The following MTF2 variants were observed in gnomAD, a reference collection of about 807,000 sequenced individuals.
The protein encoded by MTF2 is metal response element binding transcription factor 2.
MTF2 carries 11 observed loss-of-function variants against 79.5 expected under a neutral mutation model. The ratio of observed to expected loss-of-function variants is 0.14; its 90% CI spans 0.09 to 0.23. The LOEUF (loss-of-function observed/expected upper bound fraction) is 0.23, where lower values mean the gene tolerates loss of function less well. MTF2 is among the 10% of genes least tolerant of loss of function. MTF2 has a pLI of 1.00. For missense variants in MTF2, 486 were observed against 711.2 expected (o/e 0.68, Z 3.60); for synonymous variants, 208 against 232.8 (o/e 0.89, Z 0.97).
chr1:93,102,135 A>G (rs1655572236), intron 1 of MTF2, among the ~76,000 whole-genome samples: 1 of 152,244 alleles, frequency 6.6e-6, no homozygotes, highest in Admixed American at 6.5e-5. Context: ...TCCCCAATCA[A>G]AAAGTCTGTT....
chr1:93,096,372 A>G (rs959349210), intron 1 of MTF2, among the ~76,000 whole-genome samples: 2 of 152,122 alleles, frequency 1.3e-5, no homozygotes, highest in African/African-American at 4.8e-5. Context: ...TACAACTTCC[A>G]AGTCTTCACT....
At chr1:93,096,375 T>C (rs1472200743) in intron 1 of MTF2, among the ~76,000 whole-genome samples, 1 of 152,206 alleles carries the variant, frequency 6.6e-6, no homozygotes, top group Non-Finnish European at 1.5e-5. Flanking sequence ...AACTTCCAAG[T>C]CTTCACTTCC....
chr1:93,125,836 G>C (rs1438733839), intron 9 of MTF2, among the ~76,000 whole-genome samples: 1 of 152,062 alleles, frequency 6.6e-6, no homozygotes, highest in African/African-American at 2.4e-5. Context: ...TATTTGAAGA[G>C]CTGTCTTGTA....
At chr1:93,110,690 T>C in intron 3 of MTF2, 64 bp downstream of exon 3, 1 of 1,285,204 alleles carries the variant, frequency 7.8e-7, no homozygotes, top group Non-Finnish European at 1.1e-6. Context: ...CAACTTGTCA[T>C]ATTATGATGT....
chr1:93,110,670 T>A, intron 3 of MTF2, 44 bp downstream of exon 3: 1 of 1,468,338 alleles, frequency 6.8e-7, no homozygotes, highest in Non-Finnish European at 9.5e-7. Flanking sequence ...AATTAAAATT[T>A]GATTTTCTTC....
intron 14 of MTF2, among the ~76,000 whole-genome samples, chr1:93,136,388 A>G (rs558730103): frequency 1.3e-5 from 2 of 152,306 alleles, no homozygotes; most frequent in Admixed American, 6.5e-5. Context: ...TCTTCGTAAG[A>G]ATTTTCCTTG....
At chr1:93,122,210 A>G (rs181120130) in intron 9 of MTF2, among the ~76,000 whole-genome samples, 1 of 152,308 alleles carries the variant, frequency 6.6e-6, no homozygotes, top group Non-Finnish European at 1.5e-5. Flanking sequence ...ATACTATAAT[A>G]CATTTGTTTA....
rs1032450039 is a variant in MTF2 at position 93,137,419 on chromosome 1, T to G, written c.*392T>G. 1 of 159,656 alleles carries G rather than the reference T, an allele frequency of 6.3e-6. No homozygotes were observed. Among genetic ancestry groups the G allele is most frequent in the African/African-American group, 2.4e-5 (1 of 41,596 alleles). The allele number at this position is 159,656 out of a possible 1,614,324, so 9.9% of individuals were successfully genotyped here. A position where few individuals can be genotyped will look rare whatever the true frequency, so the allele number is the denominator to read the frequency against. ...CAAGTATTTGGAGAAACGTTGTTTG[T>G]TTTGTTACCAAAATGTTGGAAAAAT... On this transcript the variant is annotated 3_prime_UTR_variant, in exon 15 of 15. Coordinates refer to ENST00000370298, the MANE Select transcript of MTF2 (RefSeq NM_007358.4).
At chr1:93,079,578 G>A in intron 1 of MTF2, 47 bp downstream of exon 1, 5 of 1,610,386 alleles carry the variant, frequency 3.1e-6, no homozygotes, top group Non-Finnish European at 4.2e-6. Flanking sequence ...GGAGATGGGG[G>A]TTGGGGGAAG....
At chr1:93,100,937 T>G (rs1655504197) in intron 1 of MTF2, among the ~76,000 whole-genome samples, 1 of 152,242 alleles carries the variant, frequency 6.6e-6, no homozygotes, top group African/African-American at 2.4e-5. Flanking sequence ...GCACTTTTCT[T>G]AGGTTATATT....
At position 93,136,796 on chromosome 1, in the gene MTF2, A is replaced by AGAT. The variant is rs752487591; in HGVS notation, c.1557_1559dup (p.Asp519dup). On this transcript the variant is annotated inframe_insertion, in exon 15 of 15. Coordinates refer to ENST00000370298, the MANE Select transcript of MTF2 (RefSeq NM_007358.4). ...AGACTCAGAACTCAGAAATTGTAAA[A>AGAT]GATGATGAAGGCAAAGAAGATTATC... The AGAT allele has an allele frequency of 2.5e-6, 4 of 1,614,096 alleles. No individual in the cohort carries two copies. The highest frequency in any genetic ancestry group is 1.6e-4 in the Middle Eastern group (1 of 6,084).
At chr1:93,110,160 A>G (rs940794320) in intron 1 of MTF2, 70 bp from the exon 2 acceptor site, 47 of 1,401,974 alleles carry the variant, frequency 3.4e-5, no homozygotes, top group Non-Finnish European at 4.6e-5. Flanking sequence ...ATTAACATAT[A>G]AAATATCCCA....
intron 1 of MTF2, among the ~76,000 whole-genome samples, chr1:93,100,599 C>T (rs1200559410): frequency 2.0e-5 from 3 of 152,072 alleles, no homozygotes; most frequent in African/African-American, 7.2e-5. Flanking sequence ...GAGCCACCAC[C>T]CCCAGCTGTT....
Position 93,114,764 on chromosome 1 carries a change from A to G in MTF2, c.363A>G (p.Ile121Met), listed in dbSNP as rs772851960. 3 of 1,611,660 alleles carry G rather than the reference A, an allele frequency of 1.9e-6. 1 individual carries two copies. In the East Asian group the frequency reaches 6.7e-5, roughly 36 times the overall value. ...CAGAAGCTCCCAATGAAATGGTTAT[A>G]TGTGACAAGTGTGGCCAAGGTAACC... Reference protein sequence around the residue: ...EYSEAPNEMVICDKCGQGYHQ... With the variant: ...EYSEAPNEMVMCDKCGQGYHQ... The change falls in exon 4 of 15, where the codon ATA becomes ATG. Residue 121 changes from isoleucine (I) to methionine (M), a missense_variant. By Grantham distance (10) the Ile-to-Met change is conservative. Coordinates refer to ENST00000370298, the MANE Select transcript of MTF2 (RefSeq NM_007358.4).
intron 1 of MTF2, among the ~76,000 whole-genome samples, chr1:93,086,494 C>CT (rs1280725005): frequency 3.9e-5 from 2 of 51,886 alleles, no homozygotes; most frequent in Non-Finnish European, 8.6e-5. Flanking sequence ...GCGAGACTGT[C>CT]TCAAAAAAAA....
At chr1:93,101,568 G>GTTGTTTTTTTTTTT (rs1655536351) in intron 1 of MTF2, among the ~76,000 whole-genome samples, 2 of 25,398 alleles carry the variant, frequency 7.9e-5, no homozygotes, top group Non-Finnish European at 1.3e-4. Context: ...GCTCAGGCTG[G>GTTGTTTTTTTTTTT]TTTTTTTTTT....
chr1:93,124,407 G>A (rs1656609896), intron 9 of MTF2, among the ~76,000 whole-genome samples: 1 of 151,986 alleles, frequency 6.6e-6, no homozygotes, highest in African/African-American at 2.4e-5. Context: ...ATTGTCATTT[G>A]TGTTTGATTC....
intron 10 of MTF2, among the ~76,000 whole-genome samples, chr1:93,128,518 T>C (rs1656790563): frequency 6.9e-6 from 1 of 144,704 alleles, no homozygotes; most frequent in African/African-American, 2.6e-5. Flanking sequence ...ATTGAGCCAC[T>C]GCACTCTAGC....
chr1:93,100,963 T>C (rs1655505734), intron 1 of MTF2, among the ~76,000 whole-genome samples: 1 of 152,214 alleles, frequency 6.6e-6, no homozygotes, highest in Admixed American at 6.5e-5. Context: ...CTTCACATGC[T>C]ATTAACCCAC....
Sources: gnomAD v4.1 joint callset for allele counts (sites outside exome capture counted in the v4.1 genomes callset) on GRCh38, gnomAD v4.1.1 for gene constraint, MANE v1.5 for transcripts, NCBI Gene and HGNC (gene_info 2026-07-23, HGNC 2026-07-21) for gene names.